SLC9A1: variants seen among roughly 807,000 people sequenced by gnomAD.
SLC9A1 encodes the protein solute carrier family 9 member A1, also known as sodium/hydrogen exchanger 1.
In SLC9A1, 22 loss-of-function variants were observed where a neutral mutation model predicts 67.9. That is an observed-to-expected ratio of 0.32 (90% CI 0.23 to 0.46). SLC9A1 has a LOEUF of 0.46. Ranked by LOEUF, SLC9A1 falls within the 20% of genes least tolerant of loss-of-function variation. The pLI is 1.00. For synonymous variants in SLC9A1, 421 were observed against 471.8 expected, an observed-to-expected ratio of 0.89 and a Z score of 1.40; for missense variants, 686 against 1,094.8, an observed-to-expected ratio of 0.63 and a Z score of 5.27.
Position 27,109,736 on chromosome 1 carries a change from G to A in SLC9A1, c.855C>T (p.His285=), listed in dbSNP as rs201518565. 294 of 1,613,988 alleles carry A rather than the reference G, an allele frequency of 1.8e-4. No individual in the cohort carries two copies. Among genetic ancestry groups the A allele is most frequent in the Admixed American group, 1.7e-4 (10 of 60,006 alleles). Residue 285 remains histidine (H), a synonymous_variant, in exon 3 of 12, where the codon CAC becomes CAT. Coordinates refer to ENST00000263980, the MANE Select transcript of SLC9A1 (RefSeq NM_003047.5). This position sits in a 1 kb window ranked among gnomAD's most constrained non-coding sequence, Gnocchi z 5.5. ...CGAGGAAGATGTCCACGATGCCCAC[G>A]TGTTCGTAGTTGGCAAACTCCTCAA... ...HLFEEFANYE[H]VGIVDIFLGF... is the part of the protein sequence containing the mutation.
rs1361912837 is a variant in SLC9A1 at position 27,118,745 on chromosome 1, T to G, written c.353-4459A>C. On this transcript the variant is annotated intron_variant, in intron 1 of 11. Coordinates refer to ENST00000263980, the MANE Select transcript of SLC9A1 (RefSeq NM_003047.5). The surrounding 1 kb of genome is among the most constrained non-coding windows in gnomAD (Gnocchi z 4.3). ...GAGCTGGAATGGATCTTGGAGAGCA[T>G]CTAAATTCTCCATTATATAGTCAGG... 6.6e-6 allele frequency among the ~76,000 whole-genome samples: 1 copy of G among 152,038 alleles called. No homozygotes were observed. Among genetic ancestry groups the G allele is most frequent in the African/African-American group, 2.4e-5 (1 of 41,396 alleles).
At chr1:27,131,908 G>A (rs1422270591) in intron 1 of SLC9A1, among the ~76,000 whole-genome samples, 1 of 128,582 alleles carries the variant, frequency 7.8e-6, no homozygotes, top group Non-Finnish European at 1.6e-5. Context: ...GCAATAGAGG[G>A]AGAATCCGTC....
At chr1:27,145,767 T>C (rs1184477214) in intron 1 of SLC9A1, among the ~76,000 whole-genome samples, 15 of 152,312 alleles carry the variant, frequency 9.8e-5, no homozygotes, top group Admixed American at 9.8e-4. Context: ...GGGGGAACTC[T>C]GGATTCTTGG....
At chr1:27,113,591 G>C (rs984283867) in intron 2 of SLC9A1, among the ~76,000 whole-genome samples, 2 of 152,170 alleles carry the variant, frequency 1.3e-5, no homozygotes, top group Non-Finnish European at 2.9e-5. Context: ...TAACTTCTTT[G>C]GGCCTGTGTC....
rs777436072 is a variant in SLC9A1, at chr1:27,137,367, G to A, written c.352+16616C>T. ...TGTGGCCCTTAAGCAAGTCACTTCC[G>A]CCCTGGCCTCTGCTTCCTCTGTGAG... On this transcript the variant is annotated intron_variant, in intron 1 of 11. Coordinates refer to ENST00000263980, the MANE Select transcript of SLC9A1 (RefSeq NM_003047.5). This position sits in a 1 kb window ranked among gnomAD's most constrained non-coding sequence, Gnocchi z 4.6. Among the ~76,000 whole-genome samples, 7 of 152,330 alleles carry A rather than the reference G, an allele frequency of 4.6e-5. No homozygotes were observed. Among genetic ancestry groups the A allele is most frequent in the South Asian group, 4.1e-4 (2 of 4,826 alleles).
At chr1:27,129,998 G>A (rs948393209) in intron 1 of SLC9A1, among the ~76,000 whole-genome samples, 3 of 152,240 alleles carry the variant, frequency 2.0e-5, no homozygotes, top group African/African-American at 7.2e-5. Context: ...AATGGTGGGT[G>A]TGGGGAGCAG....
Position 27,154,404 on chromosome 1 carries a change from G to T in SLC9A1, c.-70C>A. Reference sequence around the variant, plus strand: ...AAAACCGGGCACATAGGTAGCAAAGGGTCAGCAAGTGGGAAGAGAGACTGG... The same window carrying T: ...AAAACCGGGCACATAGGTAGCAAAGTGTCAGCAAGTGGGAAGAGAGACTGG... On this transcript the variant is annotated 5_prime_UTR_variant, in exon 1 of 12. Transcript: ENST00000263980. The T allele has an allele frequency of 2.0e-6, 2 of 986,554 alleles. No homozygotes were observed. The highest frequency in any genetic ancestry group is 3.0e-6 in the Non-Finnish European group (2 of 674,008). The allele number at this position is 986,554 out of a possible 1,614,324, so 61.1% of individuals were successfully genotyped here.
intron 1 of SLC9A1, among the ~76,000 whole-genome samples, chr1:27,130,998 T>C (rs186913332): frequency 6.6e-6 from 1 of 152,342 alleles, no homozygotes; most frequent in Admixed American, 6.5e-5. Context: ...AGGAAGGAGA[T>C]AAGGAAGCCT....
At chr1:27,123,083 T>C (rs1157249205) in intron 1 of SLC9A1, among the ~76,000 whole-genome samples, 1 of 152,144 alleles carries the variant, frequency 6.6e-6, no homozygotes, top group Non-Finnish European at 1.5e-5. Flanking sequence ...CATGGCTGGA[T>C]TGGGTGTCTG....
Position 27,154,271 on chromosome 1 carries a change from C to A in SLC9A1, c.64G>T (p.Val22Leu), listed in dbSNP as rs2083551418. ...PHRIFPSLLVVVALVGLLPVL... is the reference protein window; with the variant it reads ...PHRIFPSLLVLVALVGLLPVL... ...GGCAGCAGCCCCACCAAAGCAACCA[C>A]CACGAGTAAGGAAGGGAAGATCCGA... Residue 22 changes from valine (V) to leucine (L), a missense_variant, in exon 1 of 12, where the codon GTG (valine) becomes TTG (leucine). Coordinates refer to ENST00000263980, the MANE Select transcript of SLC9A1 (RefSeq NM_003047.5). 1 of 1,612,890 alleles carries A rather than the reference C, an allele frequency of 6.2e-7. No homozygotes were observed. The highest frequency in any genetic ancestry group is 1.3e-5 in the African/African-American group (1 of 74,900).
At chr1:27,134,591 C>T (rs1024079208) in intron 1 of SLC9A1, among the ~76,000 whole-genome samples, 18 of 152,226 alleles carry the variant, frequency 1.2e-4, no homozygotes, top group African/African-American at 3.9e-4. Flanking sequence ...GAAATCTGCC[C>T]GGCCAGGGTG....
intron 1 of SLC9A1, among the ~76,000 whole-genome samples, chr1:27,122,747 C>G (rs144342011): frequency 9.8e-4 from 150 of 152,336 alleles, no homozygotes; most frequent in African/African-American, 3.6e-3. Context: ...CCAAGCTCTG[C>G]ATAAACATTT....
intron 1 of SLC9A1, among the ~76,000 whole-genome samples, chr1:27,148,603 G>C (rs1335189502): frequency 6.6e-6 from 1 of 152,118 alleles, no homozygotes; most frequent in Non-Finnish European, 1.5e-5. Context: ...AATTTCCTTA[G>C]ATGTAAAATG....
In SLC9A1 at chr1:27,099,247, G is replaced by C. The variant is rs1344199759; in HGVS notation, c.*1060C>G. 2 of 153,290 alleles carry C rather than the reference G, an allele frequency of 1.3e-5. No homozygotes were observed. The highest frequency in any genetic ancestry group is 1.3e-4 in the Admixed American group (2 of 15,308). 9.5% of individuals were successfully genotyped at this position (153,290 alleles called of 1,614,324 possible). ...TTCCAGGGGCCAAACCCAGGGTGGG[G>C]GAAGTAAGAGCAGGCCAGCAGGACT... On this transcript the variant is annotated 3_prime_UTR_variant, in exon 12 of 12. Coordinates refer to ENST00000263980, the MANE Select transcript of SLC9A1 (RefSeq NM_003047.5).
intron 1 of SLC9A1, among the ~76,000 whole-genome samples, chr1:27,115,598 A>G (rs1020523890): frequency 6.6e-6 from 1 of 151,970 alleles, no homozygotes; most frequent in African/African-American, 2.4e-5. Flanking sequence ...GGAACACTTG[A>G]GGCCAATAAT....
chr1:27,116,705 G>C lies in SLC9A1; in HGVS notation c.353-2419C>G, dbSNP rs376910890. ...CTGGCTGGTCCACTGGGAAGGGCTA[G>C]TCATGTTGGACCCAAGTCTCTCTTG... is the stretch of plus-strand genomic sequence containing the variant. On this transcript the variant is annotated intron_variant, in intron 1 of 11. Coordinates refer to ENST00000263980, the MANE Select transcript of SLC9A1 (RefSeq NM_003047.5). 2.0e-5 allele frequency among the ~76,000 whole-genome samples: 3 copies of C among 152,192 alleles called. No homozygotes were observed. In the South Asian group the frequency reaches 6.2e-4, roughly 32 times the overall value.
In SLC9A1 at chr1:27,154,008, G is replaced by C; in HGVS notation, c.327C>G (p.Ile109Met). Residue 109 changes from isoleucine (I) to methionine (M), a missense_variant, in exon 1 of 12, where the codon ATC (isoleucine) becomes ATG (methionine). Ile to Met is a conservative substitution (Grantham distance 10). Coordinates refer to ENST00000263980, the MANE Select transcript of SLC9A1 (RefSeq NM_003047.5). ...VRTPFEISLW[I>M]LLACLMKIGF... ...CTATCTTCATGAGGCAGGCCAGAAG[G>C]ATCCAGAGGGAGATCTCGAAGGGGG... 6.3e-7 allele frequency: 1 copy of C among 1,579,518 alleles called. No homozygotes were observed. Among genetic ancestry groups the C allele is most frequent in the Non-Finnish European group, 8.6e-7 (1 of 1,158,358 alleles).
chr1:27,124,152 C>T (rs1336636711), intron 1 of SLC9A1, among the ~76,000 whole-genome samples: 2 of 152,082 alleles, frequency 1.3e-5, no homozygotes, highest in Non-Finnish European at 2.9e-5. Context: ...TCAGGTGCTC[C>T]AGGTACCAGT....
At position 27,154,549 on chromosome 1, in the gene SLC9A1, C is replaced by A; in HGVS notation, c.-215G>T. Reference sequence around the variant, plus strand: ...CCAAAGTGGGGAAAGGGGGCAAGGACCCAGGAACGACCACGAAAGGAGACC... The same window carrying A: ...CCAAAGTGGGGAAAGGGGGCAAGGAACCAGGAACGACCACGAAAGGAGACC... On this transcript the variant is annotated 5_prime_UTR_variant, in exon 1 of 12. Coordinates refer to ENST00000263980, the MANE Select transcript of SLC9A1 (RefSeq NM_003047.5). The A allele has an allele frequency of 2.0e-6, 1 of 507,418 alleles. No individual in the cohort carries two copies. Among genetic ancestry groups the A allele is most frequent in the East Asian group, 3.2e-5 (1 of 30,774 alleles). 31.4% of individuals were successfully genotyped at this position (507,418 alleles called of 1,614,324 possible).
Sources: allele counts gnomAD v4.1 joint callset (sites outside exome capture counted in the v4.1 genomes callset), GRCh38; gene constraint gnomAD v4.1.1; non-coding constraint Gnocchi (gnomAD v3.1); transcripts MANE v1.5; gene names NCBI Gene and HGNC (gene_info 2026-07-23, HGNC 2026-07-21).